NPAS3: variants seen among roughly 807,000 people sequenced by gnomAD.
The protein encoded by NPAS3 is neuronal PAS domain protein 3.
In NPAS3, 14 loss-of-function variants were observed where a neutral mutation model predicts 73.1. That is an observed-to-expected ratio of 0.19 (90% CI 0.13 to 0.30). NPAS3 has a LOEUF of 0.30. Among genes scored for constraint, NPAS3 ranks in the 10% least tolerant of loss-of-function variants. The pLI is 1.00. For synonymous variants in NPAS3, 620 were observed against 541.5 expected, an observed-to-expected ratio of 1.14 and a Z score of -2.01; for missense variants, 1,096 against 1,250.0, an observed-to-expected ratio of 0.88 and a Z score of 1.86.
intron 4 of NPAS3, among the ~76,000 whole-genome samples, chr14:33,548,031 A>G (rs973965785): frequency 6.6e-6 from 1 of 152,248 alleles, no homozygotes; most frequent in Non-Finnish European, 1.5e-5. Context: ...CCCAGCTCTT[A>G]AAAGAAATCA....
At chr14:33,481,192 G>C (rs892225562) in intron 4 of NPAS3, among the ~76,000 whole-genome samples, 1 of 152,188 alleles carries the variant, frequency 6.6e-6, no homozygotes, top group South Asian at 2.1e-4. Context: ...AATCTCTGCA[G>C]ACTTGGTTCA....
chr14:33,257,296 C>CA (rs1463807335), intron 3 of NPAS3, among the ~76,000 whole-genome samples: 2 of 152,180 alleles, frequency 1.3e-5, no homozygotes, highest in African/African-American at 4.8e-5. Flanking sequence ...AGGGGAGTCT[C>CA]AGCTGACCCT....
At chr14:32,991,414 C>T (rs1166876835) in intron 1 of NPAS3, among the ~76,000 whole-genome samples, 1 of 152,120 alleles carries the variant, frequency 6.6e-6, no homozygotes, top group Admixed American at 6.5e-5. Flanking sequence ...AGCTTTCTGT[C>T]CATTGGCCAT....
chr14:33,494,030 G>A (rs1053701801), intron 4 of NPAS3, among the ~76,000 whole-genome samples: 4 of 152,068 alleles, frequency 2.6e-5, no homozygotes, highest in African/African-American at 9.7e-5. Flanking sequence ...TAGCATCATC[G>A]TAAAAATGAT....
chr14:33,325,838 T>C (rs1218607942), intron 3 of NPAS3, among the ~76,000 whole-genome samples: 1 of 151,834 alleles, frequency 6.6e-6, no homozygotes, highest in Non-Finnish European at 1.5e-5. Flanking sequence ...GCCAATCTGA[T>C]GGCAAAAGAT....
intron 3 of NPAS3, among the ~76,000 whole-genome samples, chr14:33,363,171 G>A (rs1387393180): frequency 6.6e-6 from 1 of 152,158 alleles, no homozygotes; most frequent in African/African-American, 2.4e-5. Context: ...TTAATCCTCA[G>A]CCCTCCTCAC....
chr14:33,770,848 C>T (rs568396983), intron 7 of NPAS3, among the ~76,000 whole-genome samples: 10 of 151,926 alleles, frequency 6.6e-5, no homozygotes, highest in Admixed American at 6.5e-4. Context: ...TGCAGTGAGC[C>T]GAGATCACAC....
intron 2 of NPAS3, among the ~76,000 whole-genome samples, chr14:33,196,337 G>A (rs1405810228): frequency 2.6e-5 from 4 of 152,092 alleles, no homozygotes; most frequent in African/African-American, 7.2e-5. Flanking sequence ...TAGCATGAAC[G>A]GCAAAGATGG....
In NPAS3 at chr14:33,355,715, T is replaced by C. The variant is rs946777980; in HGVS notation, c.386-11471T>C. 3.9e-5 allele frequency among the ~76,000 whole-genome samples: 6 copies of C among 152,310 alleles called. No individual in the cohort carries two copies. In the East Asian group the frequency reaches 1.2e-3, roughly 29 times the overall value. On this transcript the variant is annotated intron_variant, in intron 3 of 11. Transcript: ENST00000356141. ...AGTTTCTCTCATCTCAGGGCCTTTA[T>C]ATCTTCTCTTCCCTTCACCTGGACA...
chr14:33,562,991 C>A (rs1211265971), intron 5 of NPAS3, among the ~76,000 whole-genome samples: 2 of 151,874 alleles, frequency 1.3e-5, no homozygotes, highest in African/African-American at 4.8e-5. Context: ...CTATCAAATT[C>A]TAGACAGTGA....
intron 5 of NPAS3, among the ~76,000 whole-genome samples, chr14:33,636,178 C>G (rs1398947256): frequency 6.6e-6 from 1 of 152,238 alleles, no homozygotes; most frequent in Non-Finnish European, 1.5e-5. Context: ...CCTCGGCCTC[C>G]CAAAGTGCTG....
At chr14:33,690,408 C>T (rs1391322315) in intron 6 of NPAS3, among the ~76,000 whole-genome samples, 2 of 151,970 alleles carry the variant, frequency 1.3e-5, no homozygotes, top group Non-Finnish European at 2.9e-5. Context: ...TTCACATAGG[C>T]CACCAAGCAG....
chr14:33,801,078 C>T (rs780797268), exon 12 of NPAS3: 6 of 1,592,078 alleles, frequency 3.8e-6, no homozygotes, highest in East Asian at 4.6e-5. Context: ...GGCATCCACG[C>T]GGCACAGACT....
chr14:33,603,713 G>T (rs2057468723), intron 5 of NPAS3, among the ~76,000 whole-genome samples: 1 of 152,076 alleles, frequency 6.6e-6, no homozygotes, highest in East Asian at 1.9e-4. Flanking sequence ...CATGATACTG[G>T]ATGTAAATAT....
At chr14:33,746,133 C>T (rs2061783334) in intron 7 of NPAS3, among the ~76,000 whole-genome samples, 1 of 151,856 alleles carries the variant, frequency 6.6e-6, no homozygotes, top group South Asian at 2.1e-4. Flanking sequence ...ATGCAACATT[C>T]CTTAGGGGAT....
intron 6 of NPAS3, among the ~76,000 whole-genome samples, chr14:33,726,651 G>C (rs973106227): frequency 6.6e-6 from 1 of 152,016 alleles, no homozygotes; most frequent in Non-Finnish European, 1.5e-5. Flanking sequence ...TGAAATTATT[G>C]TATCTATTTT....
intron 2 of NPAS3, among the ~76,000 whole-genome samples, chr14:33,200,649 C>T (rs1466671381): frequency 6.6e-6 from 1 of 152,074 alleles, no homozygotes; most frequent in East Asian, 1.9e-4. Flanking sequence ...AATAAGATGC[C>T]AGTGCTTTCA....
At position 32,977,740 on chromosome 14, in the gene NPAS3, A is replaced by C. The variant is rs955431873; in HGVS notation, c.50+38374A>C. 3.3e-5 allele frequency among the ~76,000 whole-genome samples: 5 copies of C among 152,156 alleles called. No individual in the cohort carries two copies. The South Asian group carries it at 1.0e-3, about 32-fold the overall frequency. ...GCAAGACACTGTCTCTAAGTAAATA[A>C]ATAAATTTCTCATTTGAAAAACTTC... On this transcript the variant is annotated intron_variant, in intron 1 of 11. Coordinates refer to ENST00000356141, the Ensembl canonical transcript of NPAS3.
chr14:33,605,734 A>C (rs1007004985), intron 5 of NPAS3, among the ~76,000 whole-genome samples: 6 of 152,200 alleles, frequency 3.9e-5, no homozygotes, highest in Admixed American at 6.5e-5. Flanking sequence ...AAATAAATGG[A>C]GAGATAGATA....
Sources: allele counts gnomAD v4.1 joint callset (sites outside exome capture counted in the v4.1 genomes callset), GRCh38; gene constraint gnomAD v4.1.1; transcripts MANE v1.5; gene names NCBI Gene and HGNC (gene_info 2026-07-23, HGNC 2026-07-21).